Variants in VAV1 observed in about 807,000 individuals in gnomAD.
The protein encoded by VAV1 is proto-oncogene vav.
In VAV1, 33 loss-of-function variants were observed where a neutral mutation model predicts 128.1. That is an observed-to-expected ratio of 0.26 (90% CI 0.20 to 0.34). The LOEUF is 0.34. VAV1 is among the 10% of genes least tolerant of loss of function. The probability of loss-of-function intolerance (pLI) is 1.00; values close to 1 mark genes in which losing one functional copy is unlikely to be tolerated. For missense variants in VAV1, 715 were observed against 1,093.7 expected (o/e 0.65, Z 4.88); for synonymous variants, 394 against 409.8 (o/e 0.96, Z 0.47).
At chr19:6,821,763 C>G (rs767975682) in intron 3 of VAV1, 28 bp from the exon 4 acceptor site, 2 of 1,613,976 alleles carry the variant, frequency 1.2e-6, no homozygotes, top group Non-Finnish European at 1.7e-6. Context: ...CCCCCAGGCC[C>G]CTGGCTCACA....
intron 1 of VAV1, among the ~76,000 whole-genome samples, chr19:6,786,206 ATTAAT>A (rs34284423): frequency 0.25 from 38,331 of 151,920 alleles, 5,313 homozygotes; most frequent in African/African-American, 0.37. Context: ...TACGGAATCA[ATTAAT>A]TTATTCATTT....
chr19:6,846,794 A>G (rs1223916489), intron 22 of VAV1, among the ~76,000 whole-genome samples: 1 of 147,834 alleles, frequency 6.8e-6, no homozygotes, highest in African/African-American at 2.5e-5. Flanking sequence ...AGCTATCTAC[A>G]ATAGATAGTT....
At chr19:6,787,496 T>C (rs965623385) in intron 1 of VAV1, among the ~76,000 whole-genome samples, 2 of 152,132 alleles carry the variant, frequency 1.3e-5, no homozygotes, top group African/African-American at 4.8e-5. Flanking sequence ...TTAACTCTGC[T>C]TTCTTGTGGG....
intron 1 of VAV1, among the ~76,000 whole-genome samples, chr19:6,802,491 C>T (rs1024764622): frequency 3.9e-5 from 6 of 152,000 alleles, no homozygotes; most frequent in Non-Finnish European, 8.8e-5. Flanking sequence ...CACCGCAGCC[C>T]GGAGAGGGGA....
intron 1 of VAV1, among the ~76,000 whole-genome samples, chr19:6,798,760 C>T (rs1458640112): frequency 6.6e-6 from 1 of 152,074 alleles, no homozygotes; most frequent in Non-Finnish European, 1.5e-5. Context: ...ATCCTCCTAC[C>T]CTAGCCTCCT....
intron 16 of VAV1, 89 bp from the exon 17 acceptor site, chr19:6,833,439 C>A: frequency 7.0e-7 from 1 of 1,432,284 alleles, no homozygotes; most frequent in Non-Finnish European, 9.5e-7. Context: ...CTAAAGAGAA[C>A]CCAAGGGGTC....
rs60826995 is a variant in VAV1 at position 6,799,844 on chromosome 19, C to CAAA, written c.205-20838_205-20836dup. Among the ~76,000 whole-genome samples, 44 of 48,860 alleles carry CAAA rather than the reference C, an allele frequency of 9.0e-4. 1 individual carries two copies. The highest frequency in any genetic ancestry group is 2.2e-3 in the African/African-American group (36 of 16,064). The allele number at this position is 48,860 out of a possible 152,430, so 32.1% of individuals were successfully genotyped here. ...CCTGGGTGACAGACTGAGACTGTCT[C>CAAA]AAAAAAAAAAAAAAAAAAAAAAGGA... On this transcript the variant is annotated intron_variant, in intron 1 of 26. Transcript: ENST00000602142.
intron 1 of VAV1, among the ~76,000 whole-genome samples, chr19:6,783,897 C>G (rs536615678): frequency 3.3e-5 from 5 of 151,950 alleles, no homozygotes; most frequent in Non-Finnish European, 7.4e-5. Context: ...AAGTCACTGC[C>G]GTAGAACCTC....
At chr19:6,780,607 T>C (rs675614) in intron 1 of VAV1, among the ~76,000 whole-genome samples, 34,765 of 145,260 alleles carry the variant, frequency 0.24, 5,240 homozygotes, top group African/African-American at 0.32. Flanking sequence ...AGTCTCACTC[T>C]ATTCCTCAGG....
intron 15 of VAV1, among the ~76,000 whole-genome samples, chr19:6,832,730 C>T (rs1477658875): frequency 2.7e-5 from 4 of 148,744 alleles, no homozygotes; most frequent in Middle Eastern, 3.2e-3. Context: ...TCCTTTTCCT[C>T]CTCCTCCTTC....
intron 1 of VAV1, among the ~76,000 whole-genome samples, chr19:6,792,942 G>A (rs781390146): frequency 3.0e-4 from 46 of 152,144 alleles, no homozygotes; most frequent in Non-Finnish European, 4.7e-4. Context: ...TGAGACCGAG[G>A]GACTCAGTGC....
At chr19:6,781,193 G>A (rs770975416) in intron 1 of VAV1, among the ~76,000 whole-genome samples, 2 of 152,180 alleles carry the variant, frequency 1.3e-5, no homozygotes, top group East Asian at 1.9e-4. Flanking sequence ...GTGAATCATC[G>A]TGCTCCACCC....
chr19:6,800,062 C>A (rs1018303724), intron 1 of VAV1, among the ~76,000 whole-genome samples: 3 of 151,808 alleles, frequency 2.0e-5, no homozygotes, highest in African/African-American at 7.3e-5. Context: ...CTTTGGGGAA[C>A]TGAGGCGGGA....
At chr19:6,805,964 G>T (rs1971388158) in intron 1 of VAV1, among the ~76,000 whole-genome samples, 1 of 152,052 alleles carries the variant, frequency 6.6e-6, no homozygotes. Flanking sequence ...CGTCTAACAA[G>T]GTCTGGTGTT....
At chr19:6,789,313 C>T (rs893309316) in intron 1 of VAV1, among the ~76,000 whole-genome samples, 3 of 150,994 alleles carry the variant, frequency 2.0e-5, no homozygotes, top group African/African-American at 4.9e-5. Flanking sequence ...AGTGCAGTGG[C>T]GCGATCTCGT....
intron 21 of VAV1, among the ~76,000 whole-genome samples, chr19:6,838,392 TATCCATCCATCC>T (rs60060059): frequency 9.3e-4 from 136 of 146,246 alleles, no homozygotes; most frequent in Non-Finnish European, 1.2e-3. Flanking sequence ...TCAGTTCTTC[TATCCATCCATCC>T]ATCCATCCAT....
At chr19:6,844,595 G>A (rs891804140) in intron 22 of VAV1, among the ~76,000 whole-genome samples, 4 of 152,112 alleles carry the variant, frequency 2.6e-5, no homozygotes, top group Non-Finnish European at 5.9e-5. Context: ...CATCTGTGGC[G>A]TCTCCCTCTT....
intron 1 of VAV1, chr19:6,784,303 TAA>T: frequency 2.0e-6 from 1 of 498,170 alleles, no homozygotes. Context: ...GGATGTAGAA[TAA>T]GAAGGACCTG....
chr19:6,795,304 C>A (rs956301255), intron 1 of VAV1, among the ~76,000 whole-genome samples: 5 of 152,056 alleles, frequency 3.3e-5, no homozygotes, highest in African/African-American at 1.2e-4. Context: ...GAGTCATTAA[C>A]CAATCAGGTT....
Sources: allele counts gnomAD v4.1 joint callset (sites outside exome capture counted in the v4.1 genomes callset), GRCh38; gene constraint gnomAD v4.1.1; transcripts MANE v1.5; gene names NCBI Gene and HGNC (gene_info 2026-07-23, HGNC 2026-07-21).